Variants in CA10 observed in about 807,000 individuals in gnomAD.
CA10 encodes carbonic anhydrase 10 (inactive), also known as carbonic anhydrase-related protein 10.
A neutral mutation model predicts 44.2 loss-of-function variants in CA10; 14 were observed. The observed-to-expected ratio is 0.32, with a 90% confidence interval of 0.21 to 0.50. The LOEUF is 0.50. Among genes scored for constraint, CA10 ranks in the 20% least tolerant of loss-of-function variants. The pLI is 0.99. For synonymous variants in CA10, 159 were observed against 141.6 expected, an observed-to-expected ratio of 1.12 and a Z score of -0.87; for missense variants, 350 against 409.7, an observed-to-expected ratio of 0.85 and a Z score of 1.26.
chr17:51,653,105 G>A (rs140228460), intron 5 of CA10, among the ~76,000 whole-genome samples: 115 of 152,262 alleles, frequency 7.6e-4, no homozygotes, highest in African/African-American at 2.3e-3. Context: ...CATAAAGTCA[G>A]TGTGGGTAAT....
At chr17:51,702,744 C>T (rs1375845680) in intron 4 of CA10, among the ~76,000 whole-genome samples, 1 of 152,038 alleles carries the variant, frequency 6.6e-6, no homozygotes, top group Non-Finnish European at 1.5e-5. Flanking sequence ...CTGGTTCCTG[C>T]TCTGTGAAAT....
intron 1 of CA10, among the ~76,000 whole-genome samples, chr17:52,074,856 G>T (rs932139083): frequency 3.3e-5 from 5 of 151,668 alleles, no homozygotes; most frequent in African/African-American, 1.2e-4. Context: ...AGCTAAAAAT[G>T]AATTTACATT....
At chr17:52,145,896 T>G (rs1989572261) in intron 1 of CA10, among the ~76,000 whole-genome samples, 1 of 152,100 alleles carries the variant, frequency 6.6e-6, no homozygotes, top group South Asian at 2.1e-4. Context: ...TTGAGATTAT[T>G]TTTAAAAAAA....
chr17:51,900,688 G>A (rs974242532), intron 3 of CA10, among the ~76,000 whole-genome samples: 15 of 152,000 alleles, frequency 9.9e-5, no homozygotes, highest in African/African-American at 2.4e-4. Flanking sequence ...ATTTCTTTAC[G>A]TAATTCTATA....
rs553491119 is a variant in CA10 at position 51,649,167 on chromosome 17, T to C, written c.634+15A>G. 2 of 1,598,268 alleles carry C rather than the reference T, an allele frequency of 1.3e-6. No homozygotes were observed. Among genetic ancestry groups the C allele is most frequent in the Non-Finnish European group, 1.7e-6 (2 of 1,165,782 alleles). On this transcript the variant is annotated intron_variant, in intron 6 of 8. Coordinates refer to ENST00000451037, the MANE Select transcript of CA10 (RefSeq NM_020178.5). Reference sequence around the variant, plus strand: ...TATAGAATAGTTGCTGTGGAGGAAATTGAACCAAACTTACTTTTATATGTT... The same window carrying C: ...TATAGAATAGTTGCTGTGGAGGAAACTGAACCAAACTTACTTTTATATGTT...
At chr17:52,045,559 T>C (rs892643819) in intron 2 of CA10, among the ~76,000 whole-genome samples, 3 of 152,062 alleles carry the variant, frequency 2.0e-5, no homozygotes, top group African/African-American at 7.2e-5. Flanking sequence ...AATGGAACTA[T>C]ACTGTTGTAA....
chr17:51,790,037 T>C (rs963279761), intron 3 of CA10, among the ~76,000 whole-genome samples: 6 of 152,176 alleles, frequency 3.9e-5, no homozygotes, highest in Non-Finnish European at 1.5e-5. Context: ...TGGGTGAAGC[T>C]GGGTCAGTGT....
At chr17:51,864,614 A>T (rs1979463247) in intron 3 of CA10, among the ~76,000 whole-genome samples, 1 of 152,320 alleles carries the variant, frequency 6.6e-6, no homozygotes, top group East Asian at 1.9e-4. Context: ...ATGGGATTTT[A>T]CAGTTCTGAG....
At chr17:51,686,043 G>A (rs1488095990) in intron 4 of CA10, among the ~76,000 whole-genome samples, 1 of 151,870 alleles carries the variant, frequency 6.6e-6, no homozygotes, top group Admixed American at 6.6e-5. Context: ...TAATCCCCAT[G>A]GGTCAAGGGC....
chr17:51,890,935 G>C (rs559782708), intron 3 of CA10, among the ~76,000 whole-genome samples: 1 of 152,044 alleles, frequency 6.6e-6, no homozygotes, highest in African/African-American at 2.4e-5. Context: ...AGAGTCTTAT[G>C]AACCAAGCAC....
intron 3 of CA10, among the ~76,000 whole-genome samples, chr17:51,918,081 C>T (rs1982074951): frequency 6.6e-6 from 1 of 152,202 alleles, no homozygotes; most frequent in Non-Finnish European, 1.5e-5. Context: ...AACTCTTATT[C>T]TATTTGAATT....
intron 4 of CA10, among the ~76,000 whole-genome samples, chr17:51,684,253 A>T (rs570957323): frequency 6.6e-6 from 1 of 152,344 alleles, no homozygotes; most frequent in Non-Finnish European, 1.5e-5. Context: ...TACAGCCTCC[A>T]GAAAGAATGA....
At chr17:51,833,960 G>A (rs983206982) in intron 3 of CA10, among the ~76,000 whole-genome samples, 1 of 152,208 alleles carries the variant, frequency 6.6e-6, no homozygotes, top group South Asian at 2.1e-4. Flanking sequence ...GCACTGTAAT[G>A]AGGAAAGAAT....
At chr17:51,712,866 T>C (rs140914657) in intron 4 of CA10, among the ~76,000 whole-genome samples, 7 of 152,114 alleles carry the variant, frequency 4.6e-5, no homozygotes, top group African/African-American at 1.4e-4. Context: ...CAAAGTAACA[T>C]TGCCTACGAC....
In CA10 at chr17:51,991,198, A is replaced by C. The variant is rs146982620; in HGVS notation, c.137-60066T>G. Among the ~76,000 whole-genome samples the C allele has an allele frequency of 1.2e-3, 181 of 152,234 alleles. 5 individuals carry two copies. The South Asian group carries it at 0.022, about 18-fold the overall frequency. The stretch of plus-strand genomic sequence containing the variant: ...GTAGTGCAGAGTCCAGCACCTGACA[A>C]ATAATAATCCATTAGCATTTTCCTT... On this transcript the variant is annotated intron_variant, in intron 2 of 8. Transcript: ENST00000451037.
At chr17:51,663,936 C>T (rs898595642) in intron 4 of CA10, among the ~76,000 whole-genome samples, 9 of 152,118 alleles carry the variant, frequency 5.9e-5, no homozygotes, top group Non-Finnish European at 1.0e-4. Context: ...TTCTGTAGCT[C>T]GTATTCTTGT....
chr17:51,861,136 C>A (rs1350923096), intron 3 of CA10, among the ~76,000 whole-genome samples: 2 of 152,068 alleles, frequency 1.3e-5, no homozygotes, highest in Non-Finnish European at 2.9e-5. Flanking sequence ...TTAGGTTCTG[C>A]CAGTAGGGGG....
intron 2 of CA10, among the ~76,000 whole-genome samples, chr17:51,941,300 T>C (rs902924452): frequency 1.3e-5 from 2 of 152,184 alleles, no homozygotes; most frequent in South Asian, 4.1e-4. Context: ...AGGTGACTCA[T>C]TCTTGCGAGA....
At chr17:52,017,492 G>A (rs1223879272) in intron 2 of CA10, among the ~76,000 whole-genome samples, 2 of 152,104 alleles carry the variant, frequency 1.3e-5, no homozygotes, top group African/African-American at 2.4e-5. Flanking sequence ...CTAGGGATCC[G>A]TGGAAGTTTG....
Sources: gnomAD v4.1 joint callset for allele counts (sites outside exome capture counted in the v4.1 genomes callset) on GRCh38, gnomAD v4.1.1 for gene constraint, MANE v1.5 for transcripts, NCBI Gene and HGNC (gene_info 2026-07-23, HGNC 2026-07-21) for gene names.